NYAP2: variants seen among roughly 807,000 people sequenced by gnomAD.
NYAP2 encodes the protein neuronal tyrosine-phosphorylated phosphoinositide-3-kinase adapter 2.
Under a neutral mutation model 50.4 loss-of-function variants are expected in NYAP2, and 23 were observed. That is an observed-to-expected ratio of 0.46 (90% CI 0.33 to 0.65). NYAP2 has a LOEUF of 0.65. NYAP2 is among the 30% of genes least tolerant of loss of function. NYAP2 has a pLI of 0.02. For synonymous variants in NYAP2, 394 were observed against 365.2 expected (o/e 1.08, Z -0.90); for missense variants, 885 against 861.0 (o/e 1.03, Z -0.35).
intron 3 of NYAP2, among the ~76,000 whole-genome samples, chr2:225,482,593 C>T (rs1467250576): frequency 6.6e-6 from 1 of 151,972 alleles, no homozygotes; most frequent in Non-Finnish European, 1.5e-5. Context: ...ATCTGTTTAC[C>T]CCTTTCTCAT....
chr2:225,477,271 C>G (rs1366834543), intron 3 of NYAP2, among the ~76,000 whole-genome samples: 1 of 112,902 alleles, frequency 8.9e-6, no homozygotes, highest in African/African-American at 3.4e-5. Flanking sequence ...GAGTCTCACT[C>G]TTTCACCCAG....
intron 4 of NYAP2, among the ~76,000 whole-genome samples, chr2:225,548,245 C>T (rs1691617103): frequency 2.0e-5 from 3 of 150,600 alleles, no homozygotes; most frequent in African/African-American, 7.4e-5. Flanking sequence ...ACAATAAAAG[C>T]CACATTTTAT....
At chr2:225,501,672 A>G (rs1690611458) in intron 3 of NYAP2, among the ~76,000 whole-genome samples, 1 of 152,208 alleles carries the variant, frequency 6.6e-6, no homozygotes, top group Admixed American at 6.5e-5. Flanking sequence ...CCTAAGCCTC[A>G]TAGTATCATT....
Position 225,614,149 on chromosome 2 carries a change from G to A in NYAP2, c.1619-12768G>A, listed in dbSNP as rs151310709. Among the ~76,000 whole-genome samples the A allele has an allele frequency of 1.4e-3, 211 of 152,230 alleles. 1 individual carries two copies. The highest frequency in any genetic ancestry group is 4.9e-3 in the African/African-American group (205 of 41,556). On this transcript the variant is annotated intron_variant, in intron 5 of 6. Coordinates refer to ENST00000636099, the Ensembl canonical transcript of NYAP2. ...TGAACTGAGCTGAGAATGAACTACA[G>A]ATCATCTCAACCCCAAGCCAGGATG... is the stretch of plus-strand genomic sequence containing the variant.
the NYAP2 span, among the ~76,000 whole-genome samples, chr2:225,666,031 C>T: frequency 6.6e-6 from 1 of 151,910 alleles, no homozygotes; most frequent in South Asian, 2.1e-4. Context: ...TCTAATGCTG[C>T]TCTGGCAACC....
At chr2:225,562,507 G>T in intron 4 of NYAP2, among the ~76,000 whole-genome samples, 1 of 152,058 alleles carries the variant, frequency 6.6e-6, no homozygotes, top group South Asian at 2.1e-4. Context: ...TTAGGACATG[G>T]GTTTGATTGC....
At chr2:225,420,751 C>T (rs1325611797) in intron 3 of NYAP2, among the ~76,000 whole-genome samples, 2 of 151,790 alleles carry the variant, frequency 1.3e-5, no homozygotes, top group African/African-American at 2.4e-5. Context: ...GCTCGGACTA[C>T]ATATGTTTGC....
At chr2:225,543,841 G>T (rs1171674752) in intron 4 of NYAP2, among the ~76,000 whole-genome samples, 1 of 152,004 alleles carries the variant, frequency 6.6e-6, no homozygotes, top group African/African-American at 2.4e-5. Context: ...TCTGTCCAAG[G>T]CTGAATGTTG....
rs142703095 is a variant in NYAP2 at position 225,546,739 on chromosome 2, G to T, written c.523+33067G>T. On this transcript the variant is annotated intron_variant, in intron 4 of 6. Transcript: ENST00000636099. Reference sequence around the variant, plus strand: ...CTAAGTCCCCTTTACTTTTCTGTCTGGTTTTCTCAAGCAGAAGGAGTCTCT... The same window carrying T: ...CTAAGTCCCCTTTACTTTTCTGTCTTGTTTTCTCAAGCAGAAGGAGTCTCT... Among the ~76,000 whole-genome samples the T allele has an allele frequency of 1.3e-3, 200 of 152,102 alleles. 1 individual carries two copies. Among genetic ancestry groups the T allele is most frequent in the African/African-American group, 4.4e-3 (182 of 41,508 alleles).
intron 4 of NYAP2, among the ~76,000 whole-genome samples, chr2:225,546,186 C>A (rs984587745): frequency 6.6e-6 from 1 of 152,128 alleles, no homozygotes; most frequent in Non-Finnish European, 1.5e-5. Flanking sequence ...CACTACCTAG[C>A]TACCACCTAT....
chr2:225,495,854 T>C (rs545141356), intron 3 of NYAP2, among the ~76,000 whole-genome samples: 2 of 152,298 alleles, frequency 1.3e-5, no homozygotes, highest in South Asian at 2.1e-4. Context: ...CTATGGAAGA[T>C]AGATGAGAAG....
intron 4 of NYAP2, among the ~76,000 whole-genome samples, chr2:225,538,699 T>A (rs562028902): frequency 2.0e-5 from 3 of 152,358 alleles, no homozygotes; most frequent in Admixed American, 6.5e-5. Context: ...TTGGCCTCCT[T>A]GTTACTTATG....
intron 2 of NYAP2, among the ~76,000 whole-genome samples, chr2:225,408,085 A>G (rs1694971493): frequency 6.6e-6 from 1 of 151,934 alleles, no homozygotes; most frequent in Non-Finnish European, 1.5e-5. Context: ...TGAAATTCCT[A>G]TGCTTTTTTG....
At chr2:225,589,259 A>G (rs1485155606) in intron 5 of NYAP2, among the ~76,000 whole-genome samples, 1 of 151,906 alleles carries the variant, frequency 6.6e-6, no homozygotes, top group Non-Finnish European at 1.5e-5. Flanking sequence ...CTGGATTTGT[A>G]TCTGAGAGGT....
the NYAP2 span, among the ~76,000 whole-genome samples, chr2:225,663,943 C>G: frequency 1.3e-5 from 2 of 152,130 alleles, no homozygotes; most frequent in African/African-American, 4.8e-5. Flanking sequence ...GTCCTTGACT[C>G]CTGGCAAACT....
chr2:225,463,573 C>T (rs1027161920), intron 3 of NYAP2, among the ~76,000 whole-genome samples: 5 of 152,198 alleles, frequency 3.3e-5, no homozygotes, highest in Non-Finnish European at 7.4e-5. Flanking sequence ...AAAACAAATA[C>T]AAAAATAAGT....
chr2:225,676,127 T>G, the NYAP2 span, among the ~76,000 whole-genome samples: 1 of 152,190 alleles, frequency 6.6e-6, no homozygotes, highest in African/African-American at 2.4e-5. Context: ...ATTGGTAATT[T>G]GTTTTGCTCT....
At chr2:225,643,803 A>G (rs1379358672) in intron 6 of NYAP2, among the ~76,000 whole-genome samples, 2 of 151,656 alleles carry the variant, frequency 1.3e-5, no homozygotes, top group Non-Finnish European at 2.9e-5. Context: ...ATAGTATTCC[A>G]TGGTGTATAT....
chr2:225,560,141 A>G (rs1264791431), intron 4 of NYAP2, among the ~76,000 whole-genome samples: 2 of 152,074 alleles, frequency 1.3e-5, no homozygotes, highest in Non-Finnish European at 2.9e-5. Context: ...ATCCATCAAG[A>G]TACCTTTCTA....
Sources: allele counts gnomAD v4.1 joint callset (sites outside exome capture counted in the v4.1 genomes callset), GRCh38; gene constraint gnomAD v4.1.1; transcripts MANE v1.5; gene names NCBI Gene and HGNC (gene_info 2026-07-23, HGNC 2026-07-21).